The following COLEC12 variants were observed in gnomAD, a reference collection of about 807,000 sequenced individuals.
COLEC12 encodes the protein collectin subfamily member 12, also known as collectin-12.
Under a neutral mutation model 71.1 loss-of-function variants are expected in COLEC12, and 33 were observed. The ratio of observed to expected loss-of-function variants is 0.46; its 90% CI spans 0.35 to 0.62. The LOEUF is 0.62. Among genes scored for constraint, COLEC12 ranks in the 20% least tolerant of loss-of-function variants. COLEC12 has a pLI of 0.00. For missense variants in COLEC12, 765 were observed against 916.1 expected (o/e 0.84, Z 2.13); for synonymous variants, 350 against 353.0 (o/e 0.99, Z 0.10).
In COLEC12 at chr18:346,968, G is replaced by C. The variant is rs764058107; in HGVS notation, c.654C>G (p.Asn218Lys). Residue 218 changes from asparagine (N) to lysine (K), a missense_variant, in exon 5 of 10, where the codon AAC becomes AAG. Physicochemically the swap from Asn to Lys is moderately conservative, Grantham distance 94. Coordinates refer to ENST00000400256, the MANE Select transcript of COLEC12 (RefSeq NM_130386.3). The surrounding 1 kb of genome is among the most constrained non-coding windows in gnomAD (Gnocchi z 4.0). Reference sequence around the variant, plus strand: ...CAGACCGCTGCAGATTCGTGATGAGGTTCCTCTGCTGCACCTGGGTCAGGT... The same window carrying C: ...CAGACCGCTGCAGATTCGTGATGAGCTTCCTCTGCTGCACCTGGGTCAGGT... ...NLNLTQVQQR[N>K]LITNLQRSVD... 6 of 1,614,200 alleles carry C rather than the reference G, an allele frequency of 3.7e-6. No individual in the cohort carries two copies. In the South Asian group the frequency reaches 6.6e-5, roughly 18 times the overall value.
intron 2 of COLEC12, among the ~76,000 whole-genome samples, chr18:380,542 T>C (rs1480772721): frequency 6.6e-6 from 1 of 152,198 alleles, no homozygotes; most frequent in Non-Finnish European, 1.5e-5. Context: ...GTGTCGATGA[T>C]TAATGCAGCA....
At chr18:381,303 G>A (rs1384199397) in intron 2 of COLEC12, among the ~76,000 whole-genome samples, 1 of 152,130 alleles carries the variant, frequency 6.6e-6, no homozygotes, top group Non-Finnish European at 1.5e-5. Context: ...AATCTCAAGG[G>A]TTCTGCAGTT....
chr18:367,881 G>A (rs1474348211), intron 2 of COLEC12, among the ~76,000 whole-genome samples: 1 of 152,136 alleles, frequency 6.6e-6, no homozygotes, highest in African/African-American at 2.4e-5. Flanking sequence ...CTGAGGCCAC[G>A]AGTTCAAGAC....
At chr18:441,536 G>A (rs1000446046) in intron 2 of COLEC12, among the ~76,000 whole-genome samples, 8 of 152,112 alleles carry the variant, frequency 5.3e-5, no homozygotes, top group East Asian at 1.9e-4. Flanking sequence ...CATTCACGGC[G>A]ATGGATCTGA....
At chr18:388,148 G>C (rs535981287) in intron 2 of COLEC12, among the ~76,000 whole-genome samples, 1 of 152,220 alleles carries the variant, frequency 6.6e-6, no homozygotes, top group African/African-American at 2.4e-5. Context: ...GGAGGGGTAA[G>C]GAACAAAAAG....
At chr18:443,976 A>G (rs916458746) in intron 2 of COLEC12, among the ~76,000 whole-genome samples, 2 of 152,092 alleles carry the variant, frequency 1.3e-5, no homozygotes, top group African/African-American at 4.8e-5. Flanking sequence ...TTCTGCCATG[A>G]TCGTAAAAGC....
At chr18:375,236 T>G (rs1036000961) in intron 2 of COLEC12, among the ~76,000 whole-genome samples, 6 of 152,216 alleles carry the variant, frequency 3.9e-5, no homozygotes, top group South Asian at 2.1e-4. Context: ...CAAAGCTGCC[T>G]GCCTTGCTGT....
At chr18:330,412 G>A (rs960547306) in intron 8 of COLEC12, among the ~76,000 whole-genome samples, 4 of 152,052 alleles carry the variant, frequency 2.6e-5, no homozygotes, top group Admixed American at 2.6e-4. Context: ...CTTCCAATGC[G>A]GTGATGCTCC....
chr18:445,298 G>A (rs1331185325), intron 2 of COLEC12, among the ~76,000 whole-genome samples: 2 of 152,166 alleles, frequency 1.3e-5, no homozygotes, highest in African/African-American at 4.8e-5. Flanking sequence ...CTAGGTTACA[G>A]CTACCATTTC....
At chr18:325,627 CTTTTTTTTTTTTTT>C (rs760407917) in intron 8 of COLEC12, among the ~76,000 whole-genome samples, 13 of 51,834 alleles carry the variant, frequency 2.5e-4, no homozygotes, top group African/African-American at 9.4e-4. Context: ...AAGGATCAGC[CTTTTTTTTTTTTTT>C]TTTTTTTTTT....
In COLEC12 at chr18:335,081, G is replaced by A; in HGVS notation, c.1477C>T (p.Pro493Ser). ...GATCCTTTGCCGCCACGCTCTCCGG[G>A]GGGACCAGCTGGTCCAATTGGGCCT... is the stretch of plus-strand genomic sequence containing the variant. ...ERGPIGPAGP[P>S]GERGGKGSKG... is the part of the protein sequence containing the mutation. The change falls in exon 6 of 10, where the codon CCC becomes TCC. Residue 493 changes from proline (P) to serine (S), a missense_variant. Physicochemically the swap from Pro to Ser is moderately conservative, Grantham distance 74. Coordinates refer to ENST00000400256, the MANE Select transcript of COLEC12 (RefSeq NM_130386.3). The A allele has an allele frequency of 6.2e-7, 1 of 1,611,362 alleles. No homozygotes were observed. Among genetic ancestry groups the A allele is most frequent in the Non-Finnish European group, 8.5e-7 (1 of 1,179,120 alleles).
rs1416170041 is a variant in COLEC12, at chr18:384,339, G to A, written c.59-26817C>T. Among the ~76,000 whole-genome samples, 5 of 152,142 alleles carry A rather than the reference G, an allele frequency of 3.3e-5. No homozygotes were observed. The East Asian group carries it at 9.6e-4, about 29-fold the overall frequency. ...GGTACCCATTCCGGGCCACTAACTTGAGGAAGGCTGGAGTGTGACCAGGAT... is the reference window on the plus strand; with the variant it reads ...GGTACCCATTCCGGGCCACTAACTTAAGGAAGGCTGGAGTGTGACCAGGAT... On this transcript the variant is annotated intron_variant, in intron 2 of 9. Transcript: ENST00000400256.
chr18:348,469 G>T (rs1205524305), intron 3 of COLEC12, among the ~76,000 whole-genome samples: 6 of 152,286 alleles, frequency 3.9e-5, no homozygotes, highest in East Asian at 3.9e-4. Context: ...CATTTTAGAA[G>T]TCCCTAATCT....
At chr18:357,050 G>A (rs1314238297) in intron 3 of COLEC12, among the ~76,000 whole-genome samples, 1 of 152,008 alleles carries the variant, frequency 6.6e-6, no homozygotes, top group Non-Finnish European at 1.5e-5. Context: ...CCTGTGTGCT[G>A]ACTCCAGGGT....
At chr18:416,478 A>T (rs1268622309) in intron 2 of COLEC12, among the ~76,000 whole-genome samples, 2 of 152,198 alleles carry the variant, frequency 1.3e-5, no homozygotes, top group Non-Finnish European at 2.9e-5. Flanking sequence ...CTGCTCCCTC[A>T]ACATTTTGGT....
intron 2 of COLEC12, among the ~76,000 whole-genome samples, chr18:412,572 T>C (rs953777833): frequency 7.2e-5 from 11 of 152,226 alleles, no homozygotes; most frequent in African/African-American, 2.6e-4. Flanking sequence ...CAATAGCCTT[T>C]TCTCTTCCTC....
At chr18:395,604 T>C (rs1368747956) in intron 2 of COLEC12, among the ~76,000 whole-genome samples, 4 of 152,226 alleles carry the variant, frequency 2.6e-5, no homozygotes. Flanking sequence ...TTGGGGAAAT[T>C]ACTCACCTAG....
At chr18:344,146 G>A (rs1317858691) in intron 5 of COLEC12, among the ~76,000 whole-genome samples, 1 of 151,950 alleles carries the variant, frequency 6.6e-6, no homozygotes, top group African/African-American at 2.4e-5. Context: ...TCATTTGAAG[G>A]GCTACCCCTT....
intron 2 of COLEC12, among the ~76,000 whole-genome samples, chr18:467,760 A>T (rs2143747100): frequency 6.6e-6 from 1 of 152,244 alleles, no homozygotes; most frequent in East Asian, 1.9e-4. Context: ...TTCAATACTC[A>T]TAGAGTTATA....
Sources: allele counts gnomAD v4.1 joint callset (sites outside exome capture counted in the v4.1 genomes callset), GRCh38; gene constraint gnomAD v4.1.1; non-coding constraint Gnocchi (gnomAD v3.1); transcripts MANE v1.5; gene names NCBI Gene and HGNC (gene_info 2026-07-23, HGNC 2026-07-21).